WDFY1: variants seen among roughly 807,000 people sequenced by gnomAD.
The protein encoded by WDFY1 is WD repeat and FYVE domain containing 1.
Under a neutral mutation model 56.4 loss-of-function variants are expected in WDFY1, and 32 were observed. The observed-to-expected ratio is 0.57, with a 90% CI of 0.43 to 0.76. The LOEUF (loss-of-function observed/expected upper bound fraction) is 0.76. Among genes scored for constraint, WDFY1 ranks in the 30% least tolerant of loss-of-function variants. The pLI is 0.00. For missense variants in WDFY1, 480 were observed against 545.7 expected (o/e 0.88, Z 1.20); for synonymous variants, 192 against 197.3 (o/e 0.97, Z 0.23).
intron 11 of WDFY1, among the ~76,000 whole-genome samples, chr2:223,879,586 G>A (rs893191004): frequency 6.6e-6 from 1 of 151,930 alleles, no homozygotes; most frequent in Non-Finnish European, 1.5e-5. Flanking sequence ...CTTGAGCCTG[G>A]AAGGTGAAGG....
Position 223,901,288 on chromosome 2 carries a change from T to C in WDFY1, c.380A>G (p.Glu127Gly), listed in dbSNP as rs1346001683. The change falls in exon 5 of 12, where the codon GAG becomes GGG. Residue 127 changes from glutamate to glycine, a missense_variant. Coordinates refer to ENST00000233055, the MANE Select transcript of WDFY1 (RefSeq NM_020830.5). ...GTCGTGGCCGGTACTGATCACCCACTCTGTGGCCAAGCTGAAGATAATCGC... is the reference window on the plus strand; with the variant it reads ...GTCGTGGCCGGTACTGATCACCCACCCTGTGGCCAAGCTGAAGATAATCGC... Reference protein sequence around the residue: ...VSAIIFSLATEWVISTGHDKC... With the variant: ...VSAIIFSLATGWVISTGHDKC... 6.2e-7 allele frequency: 1 copy of C among 1,614,030 alleles called. No individual in the cohort carries two copies.
At chr2:223,888,352 G>A (rs1023167698) in intron 8 of WDFY1, among the ~76,000 whole-genome samples, 2 of 152,050 alleles carry the variant, frequency 1.3e-5, no homozygotes, top group African/African-American at 4.8e-5. Context: ...ACAGGCGTGA[G>A]CCACTGTGCC....
chr2:223,885,297 C>T (rs1224018609), intron 8 of WDFY1, among the ~76,000 whole-genome samples: 1 of 151,648 alleles, frequency 6.6e-6, no homozygotes, highest in Non-Finnish European at 1.5e-5. Flanking sequence ...CTCAAATGAT[C>T]CTCCTGCCTC....
At chr2:223,934,850 T>C (rs1239668738) in intron 1 of WDFY1, among the ~76,000 whole-genome samples, 2 of 152,144 alleles carry the variant, frequency 1.3e-5, no homozygotes, top group African/African-American at 4.8e-5. Flanking sequence ...AAGACAAATA[T>C]GTAAATGAGT....
intron 3 of WDFY1, among the ~76,000 whole-genome samples, chr2:223,910,720 G>C (rs1217686197): frequency 2.6e-5 from 4 of 152,056 alleles, no homozygotes; most frequent in African/African-American, 9.7e-5. Flanking sequence ...CACCCCCCAG[G>C]ATGACCATAA....
rs1306125452 is a variant in WDFY1 at position 223,899,019 on chromosome 2, G to C, written c.537C>G (p.Ile179Met). 1.2e-6 allele frequency: 2 copies of C among 1,614,172 alleles called. No homozygotes were observed. The highest frequency in any genetic ancestry group is 1.7e-6 in the Non-Finnish European group (2 of 1,180,024). The change falls in exon 6 of 12, where the codon ATC (isoleucine) becomes ATG (methionine). Residue 179 changes from isoleucine to methionine, a missense_variant. Coordinates refer to ENST00000233055, the MANE Select transcript of WDFY1 (RefSeq NM_020830.5). ...TGTTCTGTTCAAGCTTCAGCAGGGT[G>C]ATCTGCCCAGAATAATCACCAACGA... ...YAFVGDYSGQ[I>M]TLLKLEQNTC... is the part of the protein sequence containing the mutation.
chr2:223,938,381 A>G (rs1344599098), intron 1 of WDFY1, among the ~76,000 whole-genome samples: 1 of 152,216 alleles, frequency 6.6e-6, no homozygotes, highest in Non-Finnish European at 1.5e-5. Flanking sequence ...CCACAGCAAA[A>G]AAGTCCAAAA....
At chr2:223,904,649 T>TCA (rs1693567725) in intron 4 of WDFY1, among the ~76,000 whole-genome samples, 1 of 152,138 alleles carries the variant, frequency 6.6e-6, no homozygotes, top group African/African-American at 2.4e-5. Flanking sequence ...AGACCACATT[T>TCA]CACCAAGATG....
At chr2:223,924,254 G>A (rs1260919838) in intron 1 of WDFY1, among the ~76,000 whole-genome samples, 2 of 152,210 alleles carry the variant, frequency 1.3e-5, no homozygotes, top group Non-Finnish European at 2.9e-5. Context: ...TTTTAGAGAA[G>A]CAAGGACTTG....
chr2:223,898,864 G>T, intron 6 of WDFY1, 94 bp downstream of exon 6: 1 of 928,006 alleles, frequency 1.1e-6, no homozygotes, highest in South Asian at 1.5e-5. Flanking sequence ...GACAGATCAT[G>T]AGGAACACAG....
chr2:223,909,266 C>T (rs1207479982), intron 3 of WDFY1, among the ~76,000 whole-genome samples: 1 of 152,166 alleles, frequency 6.6e-6, no homozygotes, highest in Non-Finnish European at 1.5e-5. Context: ...ATTGGCGTGA[C>T]TATGCAAGGT....
rs1693324715 is a variant in WDFY1 at position 223,894,267 on chromosome 2, A to G, written c.798T>C (p.Ile266=). The G allele has an allele frequency of 1.2e-6, 2 of 1,614,050 alleles. No homozygotes were observed. The highest frequency in any genetic ancestry group is 1.7e-6 in the Non-Finnish European group (2 of 1,180,010). The part of the protein sequence containing the change: ...QLVSCSSDGG[I]AVWNMDVSRE... ...TGCTAACATCCATGTTCCACACTGCAATTCCGCCGTCCGAGGAACAGGAGA... is the reference window on the plus strand; with the variant it reads ...TGCTAACATCCATGTTCCACACTGCGATTCCGCCGTCCGAGGAACAGGAGA... Residue 266 remains isoleucine, a synonymous_variant, in exon 8 of 12, where the codon ATT becomes ATC. Coordinates refer to ENST00000233055, the MANE Select transcript of WDFY1 (RefSeq NM_020830.5).
intron 3 of WDFY1, among the ~76,000 whole-genome samples, chr2:223,906,547 T>C (rs928618708): frequency 4.6e-5 from 7 of 152,194 alleles, no homozygotes; most frequent in African/African-American, 1.7e-4. Context: ...TATTTATTTA[T>C]TTATTTATTT....
chr2:223,927,074 C>T (rs1693996845), intron 1 of WDFY1, among the ~76,000 whole-genome samples: 2 of 152,158 alleles, frequency 1.3e-5, no homozygotes, highest in Admixed American at 1.3e-4. Flanking sequence ...TGTTGTCATC[C>T]AGGCTTTGTT....
At chr2:223,906,286 C>T (rs759636904) in intron 3 of WDFY1, among the ~76,000 whole-genome samples, 7 of 152,128 alleles carry the variant, frequency 4.6e-5, no homozygotes, top group Non-Finnish European at 8.8e-5. Context: ...TATTCCTTCT[C>T]CCTCCTACTA....
intron 1 of WDFY1, among the ~76,000 whole-genome samples, chr2:223,934,556 T>C (rs982160526): frequency 2.0e-5 from 3 of 152,174 alleles, no homozygotes; most frequent in Non-Finnish European, 2.9e-5. Flanking sequence ...GTCTCACTCT[T>C]GTCACCCAAG....
rs1350692104 is a variant in WDFY1 at position 223,878,153 on chromosome 2, A to G, written c.*518T>C. The stretch of plus-strand genomic sequence containing the variant: ...GTTTATCAATAACTAAGTGTAGAGG[A>G]TATTCACATACTGCCAAGTCATAGG... On this transcript the variant is annotated 3_prime_UTR_variant, in exon 12 of 12. Transcript: ENST00000233055. 1 of 152,618 alleles carries G rather than the reference A, an allele frequency of 6.6e-6. No homozygotes were observed. Among genetic ancestry groups the G allele is most frequent in the Non-Finnish European group, 1.5e-5 (1 of 68,414 alleles). The allele number at this position is 152,618 out of a possible 1,614,324, so 9.5% of individuals were successfully genotyped here. A position where few individuals can be genotyped will look rare whatever the true frequency, so the allele number is the denominator to read the frequency against.
At chr2:223,905,712 C>A (rs1693587994) in intron 4 of WDFY1, among the ~76,000 whole-genome samples, 1 of 151,782 alleles carries the variant, frequency 6.6e-6, no homozygotes, top group Non-Finnish European at 1.5e-5. Context: ...GTACACATAT[C>A]CAATAATAAA....
intron 1 of WDFY1, among the ~76,000 whole-genome samples, chr2:223,943,089 G>A (rs1453531863): frequency 1.3e-5 from 2 of 151,414 alleles, no homozygotes; most frequent in African/African-American, 4.9e-5. Context: ...GTTGAGGCAG[G>A]AGAATCGCTT....
Sources: allele counts gnomAD v4.1 joint callset (sites outside exome capture counted in the v4.1 genomes callset), GRCh38; gene constraint gnomAD v4.1.1; transcripts MANE v1.5; gene names NCBI Gene and HGNC (gene_info 2026-07-23, HGNC 2026-07-21).